WWOX: variants seen among roughly 807,000 people sequenced by gnomAD.
WWOX encodes the protein WW domain-containing oxidoreductase.
In WWOX, 69 loss-of-function variants were observed where a neutral mutation model predicts 46.2. The ratio of observed to expected loss-of-function variants is 1.49; its 90% CI spans 1.23 to 1.82. WWOX has a LOEUF of 1.82. WWOX is among the 40% of genes most tolerant of loss of function. The pLI is 0.00. For missense variants in WWOX, 919 were observed against 542.6 expected (o/e 1.69, Z -6.89); for synonymous variants, 359 against 202.6 (o/e 1.77, Z -6.56).
intron 8 of WWOX, among the ~76,000 whole-genome samples, chr16:79,062,505 C>G (rs574939714): frequency 6.6e-6 from 1 of 152,154 alleles, no homozygotes; most frequent in African/African-American, 2.4e-5. Context: ...CGATTATCCC[C>G]TGCAGAGGAA....
chr16:78,174,726 A>G (rs150990074), intron 5 of WWOX, among the ~76,000 whole-genome samples: 4,777 of 152,184 alleles, frequency 0.031, 225 homozygotes, highest in African/African-American at 0.11. Flanking sequence ...GGTGGCTCAC[A>G]CCTGTAATCC....
chr16:78,731,467 AAG>A (rs138439818), intron 8 of WWOX, among the ~76,000 whole-genome samples: 2,140 of 152,274 alleles, frequency 0.014, 52 homozygotes, highest in African/African-American at 0.05. Flanking sequence ...ACTTGTTACA[AAG>A]AGAAGGAATA....
chr16:78,651,692 A>G (rs1405361997), intron 8 of WWOX, among the ~76,000 whole-genome samples: 1 of 152,154 alleles, frequency 6.6e-6, no homozygotes, highest in African/African-American at 2.4e-5. Context: ...TGCAGGTGTT[A>G]AGCATCAGTA....
At chr16:78,101,205 G>T (rs1378809461) in intron 1 of WWOX, among the ~76,000 whole-genome samples, 1 of 151,260 alleles carries the variant, frequency 6.6e-6, no homozygotes, top group Non-Finnish European at 1.5e-5. Flanking sequence ...CCGCCACCAC[G>T]CCCGGCTAAG....
At chr16:78,901,029 G>C (rs186243530) in intron 8 of WWOX, among the ~76,000 whole-genome samples, 1 of 152,212 alleles carries the variant, frequency 6.6e-6, no homozygotes, top group Non-Finnish European at 1.5e-5. Context: ...CTACAGAATG[G>C]ACCACTGCTC....
chr16:78,861,509 A>G (rs1160370849), intron 8 of WWOX, among the ~76,000 whole-genome samples: 1 of 152,174 alleles, frequency 6.6e-6, no homozygotes, highest in Non-Finnish European at 1.5e-5. Context: ...CATGCCTGAA[A>G]ATTTACCAAA....
intron 8 of WWOX, among the ~76,000 whole-genome samples, chr16:78,862,134 A>G (rs1188389018): frequency 6.6e-6 from 1 of 151,910 alleles, no homozygotes; most frequent in Admixed American, 6.6e-5. Context: ...GTCTATCTAT[A>G]TCTATACACA....
intron 8 of WWOX, among the ~76,000 whole-genome samples, chr16:78,611,767 C>G (rs2045906063): frequency 6.6e-6 from 1 of 152,178 alleles, no homozygotes. Flanking sequence ...TCTGATCTCA[C>G]TCCAGTATCA....
intron 8 of WWOX, among the ~76,000 whole-genome samples, chr16:78,833,332 C>T (rs969625297): frequency 6.6e-6 from 1 of 152,106 alleles, no homozygotes; most frequent in Non-Finnish European, 1.5e-5. Flanking sequence ...CAAGCTCTTT[C>T]TTTATACCAG....
intron 8 of WWOX, among the ~76,000 whole-genome samples, chr16:79,194,393 A>C (rs1243372951): frequency 6.6e-6 from 1 of 152,162 alleles, no homozygotes; most frequent in East Asian, 1.9e-4. Context: ...CCTCTCAGTG[A>C]GATCACAGTC....
intron 8 of WWOX, chr16:78,996,376 ACCCCCGCCC>A: frequency 2.1e-6 from 1 of 470,290 alleles, no homozygotes; most frequent in Non-Finnish European, 2.4e-6. Context: ...TTCTGCACCC[ACCCCCGCCC>A]CCCAGCTTCC....
intron 8 of WWOX, among the ~76,000 whole-genome samples, chr16:78,439,750 A>G (rs1281543306): frequency 6.6e-6 from 1 of 152,232 alleles, no homozygotes; most frequent in African/African-American, 2.4e-5. Context: ...CTTCCCATGT[A>G]TCCAGAGTTG....
At chr16:78,503,887 A>G (rs115743850) in intron 8 of WWOX, 2 of 152,352 alleles carry the variant, frequency 1.3e-5, no homozygotes, top group South Asian at 2.1e-4. Flanking sequence ...GAAGATTAAC[A>G]TGCAATATAT....
chr16:79,041,863 C>G (rs1259144717), intron 8 of WWOX, among the ~76,000 whole-genome samples: 3 of 152,108 alleles, frequency 2.0e-5, no homozygotes, highest in East Asian at 1.9e-4. Context: ...CCTCTGCTTG[C>G]TCTGTCCTTT....
chr16:78,657,451 G>A (rs2047107171), intron 8 of WWOX, among the ~76,000 whole-genome samples: 2 of 152,148 alleles, frequency 1.3e-5, no homozygotes, highest in African/African-American at 4.8e-5. Context: ...GCTTGTCAGT[G>A]AGGGTCCAGG....
At chr16:78,723,971 G>A (rs942618625) in intron 8 of WWOX, among the ~76,000 whole-genome samples, 1 of 152,084 alleles carries the variant, frequency 6.6e-6, no homozygotes, top group African/African-American at 2.4e-5. Context: ...TCCCCCCATG[G>A]CCTCCATGGT....
At chr16:78,137,902 G>T (rs772017926) in intron 4 of WWOX, among the ~76,000 whole-genome samples, 1 of 150,668 alleles carries the variant, frequency 6.6e-6, no homozygotes, top group Non-Finnish European at 1.5e-5. Context: ...TATCCGTTTA[G>T]ACCTAAATCT....
At chr16:79,179,354 C>T (rs570282561) in intron 8 of WWOX, among the ~76,000 whole-genome samples, 5 of 152,294 alleles carry the variant, frequency 3.3e-5, no homozygotes, top group South Asian at 4.1e-4. Context: ...TAGCAAATCA[C>T]GCCTTATTCC....
intron 6 of WWOX, among the ~76,000 whole-genome samples, chr16:78,407,216 A>C (rs981126100): frequency 3.9e-5 from 6 of 152,310 alleles, no homozygotes; most frequent in African/African-American, 1.4e-4. Context: ...GCAAAGACTA[A>C]GAAGTTTCTT....
Sources: allele counts gnomAD v4.1 joint callset (sites outside exome capture counted in the v4.1 genomes callset), GRCh38; gene constraint gnomAD v4.1.1; transcripts MANE v1.5; gene names NCBI Gene and HGNC (gene_info 2026-07-23, HGNC 2026-07-21).